Variants in NAA38 observed in about 807,000 individuals in gnomAD.
The protein encoded by NAA38 is LSM domain containing 1.
A neutral mutation model predicts 12.6 loss-of-function variants in NAA38; 15 were observed. That is an observed-to-expected ratio of 1.19 (90% CI 0.79 to 1.83). NAA38 has a LOEUF of 1.83. NAA38 is among the 40% of genes most tolerant of loss of function. NAA38 has a pLI of 0.00. For synonymous variants in NAA38, 88 were observed against 69.9 expected, an observed-to-expected ratio of 1.26 and a Z score of -1.29; for missense variants, 183 against 171.7, an observed-to-expected ratio of 1.07 and a Z score of -0.37.
rs1224501770 is a variant in NAA38 at position 7,856,777 on chromosome 17, G to A, written c.332C>T (p.Ser111Phe). ...LAMVPGHHIV[S>F]IEVQRESLTG... Reference sequence around the variant, plus strand: ...CAGACTCTCCCTCTGCACCTCAATGGAAACGATGTGGTGTCCGGGTACCAT... The same window carrying A: ...CAGACTCTCCCTCTGCACCTCAATGAAAACGATGTGGTGTCCGGGTACCAT... The change falls in exon 3 of 3, where the codon TCC (serine) becomes TTC (phenylalanine). Residue 111 changes from serine (S) to phenylalanine (F), a missense_variant. Coordinates refer to ENST00000575771, the MANE Select transcript of NAA38 (RefSeq NM_001320925.4). 6.2e-7 allele frequency: 1 copy of A among 1,614,042 alleles called. No homozygotes were observed.
In NAA38 at chr17:7,856,756, C is replaced by T. The variant is rs201597277; in HGVS notation, c.353G>A (p.Ser118Asn). ...HIVSIEVQRE[S>N]LTGPPYL ...TCAGAGATACGGAGGCCCGGTCAGA[C>T]TCTCCCTCTGCACCTCAATGGAAAC... The change falls in exon 3 of 3, where the codon AGT (serine) becomes AAT (asparagine). Residue 118 changes from serine (S) to asparagine (N), a missense_variant. Coordinates refer to ENST00000575771, the MANE Select transcript of NAA38 (RefSeq NM_001320925.4). 1.8e-4 allele frequency: 295 copies of T among 1,613,884 alleles called. No homozygotes were observed. The highest frequency in any genetic ancestry group is 2.4e-4 in the Non-Finnish European group (280 of 1,180,002).
At chr17:7,858,716 T>G, upstream of NAA38, 2 of 1,609,714 alleles carry the variant, frequency 1.2e-6, no homozygotes, top group Non-Finnish European at 1.7e-6. Flanking sequence ...CCAACGATTT[T>G]GGGAAGCCCT....
chr17:7,870,341 T>G (rs1393880897), intron 2 of NAA38, among the ~76,000 whole-genome samples: 1 of 152,182 alleles, frequency 6.6e-6, no homozygotes, highest in Non-Finnish European at 1.5e-5. Flanking sequence ...ATTACAACAA[T>G]TTTAGGCTTA....
Position 7,867,426 on chromosome 17 carries a change from C to G in NAA38, c.-65-868G>C, listed in dbSNP as rs1237197448. On this transcript the variant is annotated intron_variant, in intron 2 of 4. Coordinates refer to the NAA38 transcript ENST00000576861. ...TGATCTCGGCTCACTGCAACCTTCG[C>G]CTCCCAGGTTTAAGCAATTCTCCTG... Among the ~76,000 whole-genome samples the G allele has an allele frequency of 1.3e-5, 2 of 152,254 alleles. 1 individual carries two copies. Among genetic ancestry groups the G allele is most frequent in the Middle Eastern group, 6.8e-3 (2 of 294 alleles).
At chr17:7,868,491 T>C (rs1967028443) in intron 2 of NAA38, among the ~76,000 whole-genome samples, 1 of 152,220 alleles carries the variant, frequency 6.6e-6, no homozygotes, top group African/African-American at 2.4e-5. Context: ...TTTAAATACC[T>C]TCCTTTGGAT....
chr17:7,879,847 A>G (rs1375809048), intron 2 of NAA38, among the ~76,000 whole-genome samples: 1 of 152,134 alleles, frequency 6.6e-6, no homozygotes, highest in African/African-American at 2.4e-5. Context: ...ACACAGGCAA[A>G]AGAAATATAG....
intron 2 of NAA38, among the ~76,000 whole-genome samples, chr17:7,867,291 C>T (rs1018609577): frequency 1.3e-5 from 2 of 151,218 alleles, no homozygotes; most frequent in Admixed American, 6.6e-5. Context: ...ACATAATTCA[C>T]ATACCATAAT....
intron 2 of NAA38, among the ~76,000 whole-genome samples, chr17:7,867,504 A>G (rs1045493379): frequency 1.3e-5 from 2 of 151,916 alleles, no homozygotes; most frequent in African/African-American, 4.8e-5. Context: ...ACACCCGGCT[A>G]ATTTTTGTAT....
intron 1 of NAA38, chr17:7,885,126 C>G (rs1429889106): frequency 7.1e-6 from 7 of 981,314 alleles, no homozygotes; most frequent in Non-Finnish European, 8.4e-6. Context: ...CGAGTGGGAG[C>G]CGCGGGCGCG....
upstream of NAA38, chr17:7,862,583 C>CA (rs1399974195): frequency 1.3e-5 from 2 of 151,766 alleles, no homozygotes; most frequent in African/African-American, 2.4e-5. Context: ...ACTAAAAATC[C>CA]AAAAAATTAG....
Position 7,856,900 on chromosome 17 carries a change from G to A in NAA38, c.266-57C>T. 1.9e-6 allele frequency: 3 copies of A among 1,596,586 alleles called. No individual in the cohort carries two copies. The Admixed American group carries it at 5.1e-5, about 27-fold the overall frequency. The stretch of plus-strand genomic sequence containing the variant: ...AGGCCAGAATCAGTCCCGCCCCTCT[G>A]AGCCACGAAAACGAGCCCCAGAAAA... On this transcript the variant is annotated intron_variant, in intron 2 of 2. Coordinates refer to ENST00000575771, the MANE Select transcript of NAA38 (RefSeq NM_001320925.4).
chr17:7,865,505 C>G (rs953195981), intron 3 of NAA38: 2 of 152,238 alleles, frequency 1.3e-5, no homozygotes, highest in African/African-American at 4.8e-5. Context: ...TTCAAGATGG[C>G]TGTCTCACAT....
chr17:7,858,697 C>G (rs868214750), upstream of NAA38: 5 of 1,611,062 alleles, frequency 3.1e-6, no homozygotes, highest in Admixed American at 6.7e-5. Flanking sequence ...CTGCCCTGTT[C>G]GGACTGGGCC....
At chr17:7,866,864 A>G (rs927103963) in intron 2 of NAA38, among the ~76,000 whole-genome samples, 4 of 152,222 alleles carry the variant, frequency 2.6e-5, no homozygotes, top group Non-Finnish European at 5.9e-5. Flanking sequence ...ACTCAGCCCT[A>G]GCCCAGTGCC....
upstream of NAA38, chr17:7,860,514 G>A (rs1285251475): frequency 6.6e-6 from 1 of 152,102 alleles, no homozygotes; most frequent in Non-Finnish European, 1.5e-5. Context: ...GCCACACTAG[G>A]TAGTAACCAC....
At chr17:7,872,912 A>G (rs1967111027) in intron 2 of NAA38, among the ~76,000 whole-genome samples, 5 of 152,110 alleles carry the variant, frequency 3.3e-5, no homozygotes, top group Admixed American at 2.0e-4. Flanking sequence ...GACAGTGGAG[A>G]AGGGTGACAG....
Position 7,856,834 on chromosome 17 carries a change from G to C in NAA38, c.275C>G (p.Ser92Cys). The C allele has an allele frequency of 6.2e-7, 1 of 1,613,818 alleles. No homozygotes were observed. Among genetic ancestry groups the C allele is most frequent in the Non-Finnish European group, 8.5e-7 (1 of 1,179,992 alleles). ...GCCCAGCACACGGGGCTCCCCGGCA[G>C]AGAAGGAATCTGGAAAGAAGGATCA... is the stretch of plus-strand genomic sequence containing the variant. ...QEFLKPSDSF[S>C]AGEPRVLGLA... The change falls in exon 3 of 3, where the codon TCT becomes TGT. Residue 92 changes from serine to cysteine, a missense_variant. Coordinates refer to ENST00000575771, the MANE Select transcript of NAA38 (RefSeq NM_001320925.4).
intron 3 of NAA38, chr17:7,865,533 G>GA (rs1321258231): frequency 6.6e-6 from 1 of 152,182 alleles, no homozygotes; most frequent in East Asian, 1.9e-4. Flanking sequence ...AATGCTATCA[G>GA]TTTTTCTCCA....
upstream of NAA38, chr17:7,858,061 T>A: frequency 6.4e-7 from 1 of 1,572,784 alleles, no homozygotes; most frequent in South Asian, 1.1e-5. Context: ...GCGACGGAGG[T>A]CGTAGTAGTA....
Sources: allele counts gnomAD v4.1 joint callset (sites outside exome capture counted in the v4.1 genomes callset), GRCh38; gene constraint gnomAD v4.1.1; transcripts MANE v1.5; gene names NCBI Gene and HGNC (gene_info 2026-07-23, HGNC 2026-07-21).